RABGAP1: variants seen among roughly 807,000 people sequenced by gnomAD.
RABGAP1 encodes the protein RAB GTPase activating protein 1.
In RABGAP1, 23 loss-of-function variants were observed where a neutral mutation model predicts 137.6. The ratio of observed to expected loss-of-function variants is 0.17; its 90% confidence interval spans 0.12 to 0.24. The LOEUF is 0.24. RABGAP1 is among the 10% of genes least tolerant of loss of function. RABGAP1 has a pLI of 1.00. For missense variants in RABGAP1, 906 were observed against 1,275.8 expected, an observed-to-expected ratio of 0.71 and a Z score of 4.42; for synonymous variants, 451 against 450.7, an observed-to-expected ratio of 1.00 and a Z score of -0.01.
intron 12 of RABGAP1, among the ~76,000 whole-genome samples, chr9:123,019,267 G>T (rs1164180942): frequency 6.6e-6 from 1 of 152,132 alleles, no homozygotes; most frequent in East Asian, 1.9e-4. Flanking sequence ...CATAAAAACT[G>T]TTGGAAACAT....
chr9:122,944,691 T>G (rs952829906), intron 1 of RABGAP1, among the ~76,000 whole-genome samples: 1 of 151,648 alleles, frequency 6.6e-6, no homozygotes, highest in Non-Finnish European at 1.5e-5. Context: ...CTGCCTCAGC[T>G]TCCCGAGTAG....
chr9:123,098,298 C>G (rs1418035695), intron 22 of RABGAP1, among the ~76,000 whole-genome samples: 3 of 152,218 alleles, frequency 2.0e-5, no homozygotes, highest in Non-Finnish European at 4.4e-5. Flanking sequence ...GTCCCCTCCC[C>G]TGTCACACCA....
chr9:122,947,031 A>G (rs1237330918), intron 1 of RABGAP1, among the ~76,000 whole-genome samples: 1 of 152,158 alleles, frequency 6.6e-6, no homozygotes, highest in Admixed American at 6.6e-5. Context: ...AGCTACTTAC[A>G]TCTACCTCAT....
chr9:123,073,513 G>T lies in RABGAP1; in HGVS notation c.1984-39G>T, dbSNP rs374747500. The T allele has an allele frequency of 4.1e-5, 65 of 1,584,538 alleles. No homozygotes were observed. The African/African-American group carries it at 8.1e-4, about 20-fold the overall frequency. ...TCTGTATGTTTTGTGATTCCCCACC[G>T]CCATCCTCCCTACCCAACAACTTGC... On this transcript the variant is annotated intron_variant, in intron 15 of 25. Coordinates refer to ENST00000373647, the MANE Select transcript of RABGAP1 (RefSeq NM_012197.4).
chr9:122,984,879 T>G (rs1171822349), intron 3 of RABGAP1, among the ~76,000 whole-genome samples, 160 bp downstream of exon 3: 1 of 152,146 alleles, frequency 6.6e-6, no homozygotes, highest in Non-Finnish European at 1.5e-5. Context: ...TAAGGGGATG[T>G]GAGAGGAGTA....
chr9:123,003,659 C>T (rs2029933169), intron 10 of RABGAP1, among the ~76,000 whole-genome samples: 1 of 152,072 alleles, frequency 6.6e-6, no homozygotes, highest in Non-Finnish European at 1.5e-5. Context: ...TCCTTTTATC[C>T]TGGAAGCCTT....
chr9:122,967,232 A>G (rs904013975), intron 2 of RABGAP1, among the ~76,000 whole-genome samples: 8 of 152,108 alleles, frequency 5.3e-5, no homozygotes, highest in African/African-American at 1.9e-4. Flanking sequence ...GTTTTTTTGG[A>G]GAGATTGGAC....
At chr9:123,064,759 A>G (rs2034112294) in intron 13 of RABGAP1, among the ~76,000 whole-genome samples, 1 of 152,246 alleles carries the variant, frequency 6.6e-6, no homozygotes, top group South Asian at 2.1e-4. Flanking sequence ...TAGAAGAGGA[A>G]ACAGTTTTTG....
intron 10 of RABGAP1, among the ~76,000 whole-genome samples, chr9:122,999,897 C>G (rs1197369884): frequency 6.6e-6 from 1 of 151,752 alleles, no homozygotes; most frequent in East Asian, 1.9e-4. Flanking sequence ...GGGATACTTT[C>G]TATTAATATG....
intron 13 of RABGAP1, among the ~76,000 whole-genome samples, chr9:123,057,653 T>G (rs1476513923): frequency 6.6e-6 from 1 of 151,906 alleles, no homozygotes; most frequent in Non-Finnish European, 1.5e-5. Context: ...GACAGGGTGG[T>G]GGCCGGGCAG....
chr9:122,998,744 A>G lies in RABGAP1; in HGVS notation c.1352A>G (p.Asn451Ser). ...WPFSKRSTTE[N>S]FFLKLKQIKQ... ...TTCAGCAAACGTAGTACTACTGAAA[A>G]TTTCTTTTTGAAACTAAAACAGGTA... Residue 451 changes from asparagine (N) to serine (S), a missense_variant, in exon 10 of 26, where the codon AAT becomes AGT. Asn to Ser is a conservative substitution (Grantham distance 46, BLOSUM62 1). Coordinates refer to ENST00000373647, the MANE Select transcript of RABGAP1 (RefSeq NM_012197.4). 6.2e-7 allele frequency: 1 copy of G among 1,600,396 alleles called. No individual in the cohort carries two copies. The highest frequency in any genetic ancestry group is 8.5e-7 in the Non-Finnish European group (1 of 1,173,674).
intron 10 of RABGAP1, among the ~76,000 whole-genome samples, chr9:123,000,010 GT>G (rs146985731): frequency 3.3e-5 from 5 of 151,328 alleles, no homozygotes; most frequent in African/African-American, 7.3e-5. Flanking sequence ...GTCTGTGTGG[GT>G]TTTTTTTAAT....
intron 1 of RABGAP1, among the ~76,000 whole-genome samples, chr9:122,954,669 C>G (rs1348048319): frequency 6.6e-6 from 1 of 152,058 alleles, no homozygotes; most frequent in African/African-American, 2.4e-5. Context: ...ATTGATTGAG[C>G]ATGAAAACTT....
At chr9:123,055,365 T>G (rs113798926) in intron 13 of RABGAP1, among the ~76,000 whole-genome samples, 133 of 151,956 alleles carry the variant, frequency 8.8e-4, no homozygotes, top group African/African-American at 3.0e-3. Flanking sequence ...TTTTTTTGTG[T>G]TTTTTGTTTG....
At chr9:123,019,285 ATATTT>A (rs2031453834) in intron 12 of RABGAP1, among the ~76,000 whole-genome samples, 1 of 151,992 alleles carries the variant, frequency 6.6e-6, no homozygotes, top group African/African-American at 2.4e-5. Context: ...CATACTTGAG[ATATTT>A]TATTTTAACT....
intron 2 of RABGAP1, among the ~76,000 whole-genome samples, chr9:122,960,948 T>A (rs9695700): frequency 0.62 from 94,967 of 152,010 alleles, 36,769 homozygotes; most frequent in Non-Finnish European, 0.86. Flanking sequence ...GTTAATGAAC[T>A]TGACGATAGA....
At chr9:122,947,945 A>G (rs1341887253) in intron 1 of RABGAP1, among the ~76,000 whole-genome samples, 1 of 152,134 alleles carries the variant, frequency 6.6e-6, no homozygotes, top group Non-Finnish European at 1.5e-5. Context: ...ATGGTGTTCC[A>G]TTGAGTTTTG....
chr9:122,966,886 G>A (rs767851182), intron 2 of RABGAP1, among the ~76,000 whole-genome samples: 3 of 152,162 alleles, frequency 2.0e-5, no homozygotes, highest in Non-Finnish European at 4.4e-5. Context: ...GAGAGAGATT[G>A]TGCAGGAAAA....
At chr9:122,968,907 C>T (rs1353831815) in intron 2 of RABGAP1, among the ~76,000 whole-genome samples, 1 of 152,096 alleles carries the variant, frequency 6.6e-6, no homozygotes, top group Admixed American at 6.6e-5. Flanking sequence ...GAGCCACCGC[C>T]CCCAGCTAGT....
Sources: gnomAD v4.1 joint callset for allele counts (sites outside exome capture counted in the v4.1 genomes callset) on GRCh38, gnomAD v4.1.1 for gene constraint, MANE v1.5 for transcripts, NCBI Gene and HGNC (gene_info 2026-07-23, HGNC 2026-07-21) for gene names.